The following OTUD7A variants were observed in gnomAD, a reference collection of about 807,000 sequenced individuals.
OTUD7A encodes the protein OTU domain-containing protein 7A.
OTUD7A carries 12 observed loss-of-function variants against 65.7 expected under a neutral mutation model. That is an observed-to-expected ratio of 0.18 (90% CI 0.12 to 0.30). OTUD7A has a LOEUF of 0.30. OTUD7A is among the 10% of genes least tolerant of loss of function. The pLI is 1.00. For synonymous variants in OTUD7A, 641 were observed against 586.3 expected (o/e 1.09, Z -1.35); for missense variants, 1,148 against 1,304.8 (o/e 0.88, Z 1.85).
chr15:31,820,834 T>C (rs996536256), intron 1 of OTUD7A, among the ~76,000 whole-genome samples: 3 of 152,244 alleles, frequency 2.0e-5, no homozygotes, highest in Non-Finnish European at 4.4e-5. Context: ...ACCCATTTAA[T>C]GTGCACAGTT....
chr15:31,741,974 G>A (rs182553681), intron 1 of OTUD7A, among the ~76,000 whole-genome samples: 43 of 152,080 alleles, frequency 2.8e-4, no homozygotes, highest in Admixed American at 1.5e-3. Context: ...TGAACATAAC[G>A]GACACAGTCC....
chr15:31,623,577 T>C (rs548330751), intron 3 of OTUD7A, among the ~76,000 whole-genome samples: 9 of 152,346 alleles, frequency 5.9e-5, no homozygotes, highest in South Asian at 4.1e-4. Context: ...GCGTGGGATA[T>C]AATCTCCTGG....
At chr15:31,615,170 A>G (rs1291733062) in intron 3 of OTUD7A, among the ~76,000 whole-genome samples, 6 of 152,220 alleles carry the variant, frequency 3.9e-5, no homozygotes, top group Admixed American at 1.3e-4. Context: ...TAGGTAAACT[A>G]AAATGCTTCA....
At chr15:31,641,986 C>T (rs1282749625) in intron 3 of OTUD7A, among the ~76,000 whole-genome samples, 1 of 152,166 alleles carries the variant, frequency 6.6e-6, no homozygotes, top group Non-Finnish European at 1.5e-5. Flanking sequence ...TTCTTATCTC[C>T]CTCTTGATCT....
chr15:31,693,404 A>G (rs1893003073), intron 1 of OTUD7A, among the ~76,000 whole-genome samples: 2 of 152,218 alleles, frequency 1.3e-5, no homozygotes, highest in African/African-American at 4.8e-5. Flanking sequence ...CCACAACAAA[A>G]CAAAAGGGAG....
At chr15:31,550,354 C>T (rs1485781586) in intron 5 of OTUD7A, among the ~76,000 whole-genome samples, 1 of 152,174 alleles carries the variant, frequency 6.6e-6, no homozygotes, top group African/African-American at 2.4e-5. Context: ...TTACCCTGAA[C>T]CCTAGGCTGC....
Position 31,856,237 on chromosome 15 carries a change from T to C in OTUD7A, c.-100+14270A>G, listed in dbSNP as rs532502203. On this transcript the variant is annotated intron_variant, in intron 1 of 12. Transcript: ENST00000307050. ...CAAGTATTCTATGTATGTTCCTATG[T>C]GTTTAATAGTCTTGGATATCCACAG... Among the ~76,000 whole-genome samples the C allele has an allele frequency of 6.6e-5, 10 of 152,344 alleles. No individual in the cohort carries two copies. The South Asian group carries it at 2.1e-3, about 32-fold the overall frequency.
chr15:31,617,793 T>G (rs1890639374), intron 3 of OTUD7A, among the ~76,000 whole-genome samples: 1 of 152,190 alleles, frequency 6.6e-6, no homozygotes, highest in African/African-American at 2.4e-5. Flanking sequence ...AATTTTTTTA[T>G]TATACTTTAA....
rs762519204 is a variant in OTUD7A, at chr15:31,484,131, C to T, written c.1965G>A (p.Gln655=). The T allele has an allele frequency of 3.1e-6, 5 of 1,609,234 alleles. No homozygotes were observed. Among genetic ancestry groups the T allele is most frequent in the African/African-American group, 1.3e-5 (1 of 74,984 alleles). ...AGTAGCCGATCATCTCCTCGTGGAA[C>T]TGGTGCCGGTGGCTGGTGAGCAGCA... ...AGLLLTSHRH[Q]FHEEMIGYYL... The change falls in exon 13 of 13, where the codon CAG becomes CAA. Residue 655 remains glutamine, a synonymous_variant. Transcript: ENST00000307050. This position sits in a 1 kb window ranked among gnomAD's most constrained non-coding sequence, Gnocchi z 4.5.
At chr15:31,731,058 G>A (rs1024275653) in intron 1 of OTUD7A, among the ~76,000 whole-genome samples, 2 of 152,156 alleles carry the variant, frequency 1.3e-5, no homozygotes, top group African/African-American at 4.8e-5. Context: ...GGGTCTCAGG[G>A]GATGTGCAGC....
At chr15:31,831,793 GCAGA>G (rs1896938178) in intron 1 of OTUD7A, among the ~76,000 whole-genome samples, 1 of 152,268 alleles carries the variant, frequency 6.6e-6, no homozygotes, top group Admixed American at 6.5e-5. Flanking sequence ...GCAATGGAAT[GCAGA>G]CAGTGACGAA....
chr15:31,681,971 A>G (rs754550827), intron 1 of OTUD7A, among the ~76,000 whole-genome samples: 42 of 152,148 alleles, frequency 2.8e-4, no homozygotes, highest in Non-Finnish European at 5.4e-4. Flanking sequence ...AGATGGTGTC[A>G]GGCACAAGGG....
intron 5 of OTUD7A, among the ~76,000 whole-genome samples, chr15:31,548,596 C>T (rs1178684355): frequency 1.3e-5 from 2 of 152,024 alleles, no homozygotes; most frequent in Non-Finnish European, 2.9e-5. Flanking sequence ...TGAAGAGCAT[C>T]TTGGCAATTG....
rs766284116 is a variant in OTUD7A at position 31,478,059 on chromosome 15, G to A, written c.*5235C>T. The A allele has an allele frequency of 7.9e-5, 12 of 152,308 alleles. No individual in the cohort carries two copies. Among genetic ancestry groups the A allele is most frequent in the Non-Finnish European group, 1.5e-4 (10 of 68,124 alleles). The allele number at this position is 152,308 out of a possible 1,614,324, so 9.4% of individuals were successfully genotyped here. ...TGTGCAAAGGCCCTGAGGCAGGAGGGTGCCTGTGACTAGAAACGGCAGGAA... is the reference window on the plus strand; with the variant it reads ...TGTGCAAAGGCCCTGAGGCAGGAGGATGCCTGTGACTAGAAACGGCAGGAA... On this transcript the variant is annotated 3_prime_UTR_variant, in exon 13 of 13. Transcript: ENST00000307050.
At chr15:31,598,479 T>C (rs1407324537) in intron 3 of OTUD7A, among the ~76,000 whole-genome samples, 1 of 152,322 alleles carries the variant, frequency 6.6e-6, no homozygotes, top group East Asian at 1.9e-4. Flanking sequence ...GCCCAGATAC[T>C]GCACTTTTCC....
rs73378612 is a variant in OTUD7A at position 31,736,645 on chromosome 15, A to C, written c.-99-79568T>G. ...TTCCGTCCCCAGGGAAGAGTAGTTTATTTAACAGACAGAGCTGGCAGAAAA... is the reference window on the plus strand; with the variant it reads ...TTCCGTCCCCAGGGAAGAGTAGTTTCTTTAACAGACAGAGCTGGCAGAAAA... On this transcript the variant is annotated intron_variant, in intron 1 of 12. Transcript: ENST00000307050. Among the ~76,000 whole-genome samples the C allele has an allele frequency of 7.6e-3, 1,160 of 152,304 alleles. 17 individuals carry two copies. Among genetic ancestry groups the C allele is most frequent in the African/African-American group, 0.026 (1,100 of 41,564 alleles).
In OTUD7A at chr15:31,667,144, C is replaced by T. The variant is rs138081955; in HGVS notation, c.-99-10067G>A. Among the ~76,000 whole-genome samples, 1,496 of 152,250 alleles carry T rather than the reference C, an allele frequency of 9.8e-3. 35 individuals are homozygous for T. Among genetic ancestry groups the T allele is most frequent in the African/African-American group, 0.035 (1,436 of 41,564 alleles). On this transcript the variant is annotated intron_variant, in intron 1 of 12. Transcript: ENST00000307050. ...ATGTTCTGTACATATCTGTTAAGTCCATTTGTTCCAAGGTATAGTTTAAAT... is the reference window on the plus strand; with the variant it reads ...ATGTTCTGTACATATCTGTTAAGTCTATTTGTTCCAAGGTATAGTTTAAAT...
chr15:31,849,760 C>T (rs895460490), intron 1 of OTUD7A, among the ~76,000 whole-genome samples: 1 of 152,170 alleles, frequency 6.6e-6, no homozygotes, highest in African/African-American at 2.4e-5. Context: ...AGACACTTCT[C>T]AAAAGAAGAA....
chr15:31,794,640 A>G (rs1462450912), intron 1 of OTUD7A, among the ~76,000 whole-genome samples: 1 of 151,740 alleles, frequency 6.6e-6, no homozygotes, highest in African/African-American at 2.4e-5. Context: ...TGAAAAAAAA[A>G]AAAAAAATCC....
Sources: allele counts gnomAD v4.1 joint callset (sites outside exome capture counted in the v4.1 genomes callset), GRCh38; gene constraint gnomAD v4.1.1; non-coding constraint Gnocchi (gnomAD v3.1); transcripts MANE v1.5; gene names NCBI Gene and HGNC (gene_info 2026-07-23, HGNC 2026-07-21).